Variants in GRM5 observed in about 807,000 individuals in gnomAD.
GRM5 encodes glutamate metabotropic receptor 5.
Under a neutral mutation model 83.1 loss-of-function variants are expected in GRM5, and 19 were observed. The observed-to-expected ratio is 0.23, with a 90% CI of 0.16 to 0.34. GRM5 has a LOEUF of 0.34. GRM5 is among the 10% of genes least tolerant of loss of function. The pLI, the probability that GRM5 is intolerant of heterozygous loss-of-function variation, is 1.00. For synonymous variants in GRM5, 675 were observed against 633.6 expected, an observed-to-expected ratio of 1.07 and a Z score of -0.98; for missense variants, 1,160 against 1,588.3, an observed-to-expected ratio of 0.73 and a Z score of 4.58.
rs142592067 is a variant in GRM5, at chr11:88,755,129, G to T, written c.911+94777C>A. Among the ~76,000 whole-genome samples, 1,052 of 152,244 alleles carry T rather than the reference G, an allele frequency of 6.9e-3. 13 individuals carry two copies. The highest frequency in any genetic ancestry group is 0.024 in the African/African-American group (993 of 41,548). On this transcript the variant is annotated intron_variant, in intron 3 of 9. Transcript: ENST00000305447. Reference sequence around the variant, plus strand: ...GGATTAACAATCCTTATAAGAAACTGAAGCAAATGTGTATTTAGATGTTTC... The same window carrying T: ...GGATTAACAATCCTTATAAGAAACTTAAGCAAATGTGTATTTAGATGTTTC...
rs2135154295 is a variant in GRM5, at chr11:88,556,334, T to C, written c.2630+10719A>G. 1.3e-5 allele frequency among the ~76,000 whole-genome samples: 2 copies of C among 151,226 alleles called. 1 individual carries two copies. Among genetic ancestry groups the C allele is most frequent in the South Asian group, 4.2e-4 (2 of 4,772 alleles). ...ACATTCTTTTCTTTTCTTTTTTTTT[T>C]TTTTTTTAGATGGAGTCTTGCTCTG... is the stretch of plus-strand genomic sequence containing the variant. On this transcript the variant is annotated intron_variant, in intron 8 of 9. Coordinates refer to ENST00000305447, the MANE Select transcript of GRM5 (RefSeq NM_001143831.3).
At chr11:89,010,713 C>T (rs889796578) in intron 2 of GRM5, among the ~76,000 whole-genome samples, 18 of 151,084 alleles carry the variant, frequency 1.2e-4, no homozygotes, top group Non-Finnish European at 2.2e-4. Context: ...AGTGGAAACA[C>T]AGAGAGCCAA....
intron 7 of GRM5, among the ~76,000 whole-genome samples, chr11:88,585,538 T>C (rs1943296287): frequency 1.3e-5 from 2 of 152,206 alleles, no homozygotes; most frequent in African/African-American, 4.8e-5. Flanking sequence ...TTCTCCCTTA[T>C]ACTCTCAGTT....
chr11:89,046,973 T>C (rs1941654368), intron 2 of GRM5, among the ~76,000 whole-genome samples: 1 of 152,192 alleles, frequency 6.6e-6, no homozygotes, highest in African/African-American at 2.4e-5. Flanking sequence ...AAGTAAATAA[T>C]GTAATTCACA....
intron 4 of GRM5, among the ~76,000 whole-genome samples, chr11:88,638,665 T>G (rs1591401010): frequency 6.6e-6 from 1 of 152,156 alleles, no homozygotes; most frequent in East Asian, 1.9e-4. Context: ...GTTTAACAAA[T>G]ATAGGACCAT....
intron 3 of GRM5, among the ~76,000 whole-genome samples, chr11:88,847,696 G>A (rs7935536): frequency 0.41 from 61,760 of 151,916 alleles, 12,705 homozygotes; most frequent in East Asian, 0.5. Context: ...ATGAACTGAT[G>A]TTCAAGTAAA....
At chr11:88,887,078 T>C (rs1490338032) in intron 2 of GRM5, among the ~76,000 whole-genome samples, 5 of 152,180 alleles carry the variant, frequency 3.3e-5, no homozygotes, top group African/African-American at 1.2e-4. Flanking sequence ...TCTCCCTTTT[T>C]GCATCCCTCT....
intron 4 of GRM5, among the ~76,000 whole-genome samples, chr11:88,648,168 A>G (rs964556184): frequency 3.3e-5 from 5 of 152,100 alleles, no homozygotes; most frequent in Non-Finnish European, 5.9e-5. Context: ...TACCCAAAGG[A>G]CTATAAATCT....
chr11:88,901,700 T>C (rs1945317597), intron 2 of GRM5, among the ~76,000 whole-genome samples: 1 of 152,204 alleles, frequency 6.6e-6, no homozygotes, highest in African/African-American at 2.4e-5. Flanking sequence ...GGGAGGCCTA[T>C]CCACTCCTTG....
chr11:88,831,952 G>C (rs1944003117), intron 3 of GRM5, among the ~76,000 whole-genome samples: 1 of 152,168 alleles, frequency 6.6e-6, no homozygotes, highest in African/African-American at 2.4e-5. Flanking sequence ...TGTGCTTGGT[G>C]AGACCCAGGC....
At chr11:88,763,653 A>G (rs1002275384) in intron 3 of GRM5, among the ~76,000 whole-genome samples, 1 of 151,838 alleles carries the variant, frequency 6.6e-6, no homozygotes, top group Non-Finnish European at 1.5e-5. Context: ...ATATGTTATT[A>G]AAGTTATTAA....
At chr11:88,849,586 T>G (rs1242479440) in intron 3 of GRM5, among the ~76,000 whole-genome samples, 1 of 152,208 alleles carries the variant, frequency 6.6e-6, no homozygotes, top group Non-Finnish European at 1.5e-5. Context: ...AAAGCAACTA[T>G]GAGTTTGAGT....
chr11:88,716,691 C>T (rs1243253235), intron 3 of GRM5, among the ~76,000 whole-genome samples: 1 of 151,886 alleles, frequency 6.6e-6, no homozygotes, highest in Non-Finnish European at 1.5e-5. Context: ...CTTAAATTTA[C>T]CCACTGAGGC....
chr11:88,622,088 ACAC>A (rs1938653311), intron 4 of GRM5, among the ~76,000 whole-genome samples: 1 of 50,630 alleles, frequency 2.0e-5, no homozygotes, highest in African/African-American at 5.6e-5. Flanking sequence ...TAAAATCACA[ACAC>A]TATTTTCAAC....
At chr11:88,591,603 T>C (rs1937640879) in intron 6 of GRM5, among the ~76,000 whole-genome samples, 1 of 152,248 alleles carries the variant, frequency 6.6e-6, no homozygotes, top group South Asian at 2.1e-4. Flanking sequence ...ATGATTACAC[T>C]TTATATTTCT....
chr11:88,770,224 T>C (rs1322514265), intron 3 of GRM5, among the ~76,000 whole-genome samples: 4 of 151,664 alleles, frequency 2.6e-5, no homozygotes, highest in African/African-American at 9.7e-5. Flanking sequence ...GCCTAAGGAG[T>C]CCAGATAACT....
intron 8 of GRM5, among the ~76,000 whole-genome samples, chr11:88,537,745 T>C (rs533031950): frequency 6.6e-6 from 1 of 152,154 alleles, no homozygotes; most frequent in Non-Finnish European, 1.5e-5. Flanking sequence ...GTGGTCTCCG[T>C]GCGCAGAAAA....
intron 2 of GRM5, among the ~76,000 whole-genome samples, chr11:88,990,607 T>C (rs1480743115): frequency 2.0e-5 from 3 of 148,472 alleles, no homozygotes; most frequent in Non-Finnish European, 3.0e-5. Flanking sequence ...GATGCAAAAA[T>C]CCTCAATAAA....
intron 2 of GRM5, among the ~76,000 whole-genome samples, chr11:88,858,093 G>A (rs192810269): frequency 7.2e-4 from 109 of 151,994 alleles, no homozygotes; most frequent in Middle Eastern, 3.4e-3. Flanking sequence ...TCTATAACAC[G>A]ACCCATATAC....
Sources: allele counts gnomAD v4.1 joint callset (sites outside exome capture counted in the v4.1 genomes callset), GRCh38; gene constraint gnomAD v4.1.1; transcripts MANE v1.5; gene names NCBI Gene and HGNC (gene_info 2026-07-23, HGNC 2026-07-21).